MCPH1: variants seen among roughly 807,000 people sequenced by gnomAD.
The protein encoded by MCPH1 is microcephalin 1.
A neutral mutation model predicts 84.5 loss-of-function variants in MCPH1; 104 were observed. That is an observed-to-expected ratio of 1.23 (90% confidence interval 1.05 to 1.45). The LOEUF is 1.45. Among genes scored for constraint, MCPH1 ranks in the 40% most tolerant of loss-of-function variants. MCPH1 has a pLI of 0.00. For missense variants in MCPH1, 1,498 were observed against 1,005.7 expected, an observed-to-expected ratio of 1.49 and a Z score of -6.62; for synonymous variants, 514 against 366.8, an observed-to-expected ratio of 1.40 and a Z score of -4.58.
intron 3 of MCPH1, among the ~76,000 whole-genome samples, chr8:6,419,920 A>G (rs959556538): frequency 6.6e-6 from 1 of 151,950 alleles, no homozygotes; most frequent in East Asian, 1.9e-4. Flanking sequence ...TTGTTTTTTT[A>G]AAATAGATTT....
At chr8:6,411,457 T>C (rs972684299) in intron 2 of MCPH1, among the ~76,000 whole-genome samples, 1 of 152,218 alleles carries the variant, frequency 6.6e-6, no homozygotes, top group African/African-American at 2.4e-5. Context: ...GTGATGATGC[T>C]GGCAATTCAG....
At chr8:6,620,355 T>G (rs766927930) in intron 12 of MCPH1, 1 of 152,248 alleles carries the variant, frequency 6.6e-6, no homozygotes, top group African/African-American at 2.4e-5. Context: ...ATTACAGTAG[T>G]AGGAAAACCT....
chr8:6,412,514 T>G (rs975134852), intron 2 of MCPH1, among the ~76,000 whole-genome samples: 17 of 152,308 alleles, frequency 1.1e-4, no homozygotes, highest in African/African-American at 4.1e-4. Flanking sequence ...ATTTCAGGAT[T>G]TGAGATGATT....
chr8:6,619,391 A>G (rs1325287189), intron 12 of MCPH1, among the ~76,000 whole-genome samples: 3 of 149,830 alleles, frequency 2.0e-5, no homozygotes, highest in Non-Finnish European at 4.4e-5. Flanking sequence ...CCCAGATTCA[A>G]GCGATTCTCC....
chr8:6,545,485 A>C (rs2515488), intron 12 of MCPH1, among the ~76,000 whole-genome samples: 75,240 of 152,116 alleles, frequency 0.49, 18,809 homozygotes, highest in African/African-American at 0.57. Context: ...GCACCTAAAT[A>C]ATGCCTAATG....
At chr8:6,625,566 C>CA (rs567328893) in intron 13 of MCPH1, 157 of 973,124 alleles carry the variant, frequency 1.6e-4, no homozygotes, top group Admixed American at 1.1e-3. Flanking sequence ...AGACAATACT[C>CA]AAAAAAAAAT....
chr8:6,444,309 A>C, intron 7 of MCPH1, 84 bp from the exon 8 acceptor site: 2 of 1,511,708 alleles, frequency 1.3e-6, no homozygotes, highest in Non-Finnish European at 1.8e-6. Flanking sequence ...GTACTTTAAA[A>C]GTTGTTTTAT....
chr8:6,568,719 G>C (rs190942730), intron 12 of MCPH1, among the ~76,000 whole-genome samples: 1 of 152,190 alleles, frequency 6.6e-6, no homozygotes, highest in Non-Finnish European at 1.5e-5. Flanking sequence ...TGCTGACATC[G>C]TTTTCCATCA....
At chr8:6,526,189 G>A (rs574172169) in intron 12 of MCPH1, among the ~76,000 whole-genome samples, 70 of 150,954 alleles carry the variant, frequency 4.6e-4, no homozygotes, top group African/African-American at 1.3e-3. Context: ...GGATGCTGCG[G>A]TGGGCAGAAG....
At chr8:6,512,606 G>A (rs1815381246) in intron 12 of MCPH1, among the ~76,000 whole-genome samples, 3 of 152,172 alleles carry the variant, frequency 2.0e-5, no homozygotes, top group Admixed American at 2.0e-4. Context: ...CCCTCCCGTT[G>A]CACACACATT....
chr8:6,532,582 A>G (rs1468255217), intron 12 of MCPH1: 2 of 887,786 alleles, frequency 2.3e-6, no homozygotes, highest in Non-Finnish European at 1.6e-6. Flanking sequence ...TTTAAAAAAA[A>G]AAAAAAAAAA....
chr8:6,419,179 ACACACACACGC>A (rs763159532), intron 3 of MCPH1, among the ~76,000 whole-genome samples: 762 of 31,174 alleles, frequency 0.024, 4 homozygotes, highest in Non-Finnish European at 0.11. Context: ...ACACACACAC[ACACACACACGC>A]ATTTTTACCC....
chr8:6,474,970 T>TA (rs1808244360), intron 9 of MCPH1, among the ~76,000 whole-genome samples: 1 of 152,228 alleles, frequency 6.6e-6, no homozygotes, highest in Non-Finnish European at 1.5e-5. Flanking sequence ...TTAAAACATT[T>TA]ACGTTTCTAT....
chr8:6,568,372 A>T (rs1826385716), intron 12 of MCPH1, among the ~76,000 whole-genome samples: 1 of 152,204 alleles, frequency 6.6e-6, no homozygotes, highest in Non-Finnish European at 1.5e-5. Flanking sequence ...CAATCCGTGC[A>T]GCTCTCATAA....
chr8:6,635,579 C>T (rs748636789), intron 13 of MCPH1, among the ~76,000 whole-genome samples: 13 of 151,840 alleles, frequency 8.6e-5, no homozygotes, highest in Admixed American at 3.3e-4. Context: ...TGGGAAACAG[C>T]GAGGCCCTGT....
chr8:6,434,457 G>C (rs2129554373), intron 4 of MCPH1, among the ~76,000 whole-genome samples: 1 of 152,320 alleles, frequency 6.6e-6, no homozygotes, highest in African/African-American at 2.4e-5. Flanking sequence ...TTTGTGTCAT[G>C]CAGGTACTTT....
intron 12 of MCPH1, among the ~76,000 whole-genome samples, chr8:6,589,635 G>A (rs1453258105): frequency 1.3e-5 from 2 of 152,166 alleles, no homozygotes; most frequent in Non-Finnish European, 2.9e-5. Context: ...CTTCCATCTC[G>A]ATAGAATGTC....
rs11280683 is a variant in MCPH1, at chr8:6,609,819, G to GCCCCCCCCCCCCC, written c.2215-11625_2215-11624insCCCCCCCCCCCCC. ...TCTCATTATCAAAGCAATGCCCCCC[G>GCCCCCCCCCCCCC]CCCCCCCCCCACACACAGACTGCCA... On this transcript the variant is annotated intron_variant, in intron 12 of 13. Coordinates refer to ENST00000344683, the MANE Select transcript of MCPH1 (RefSeq NM_024596.5). 7.6e-4 allele frequency among the ~76,000 whole-genome samples: 79 copies of GCCCCCCCCCCCCC among 103,958 alleles called. 11 individuals are homozygous for GCCCCCCCCCCCCC. The highest frequency in any genetic ancestry group is 1.8e-3 in the South Asian group (4 of 2,234). The allele number at this position is 103,958 out of a possible 152,430, so 68.2% of individuals were successfully genotyped here.
chr8:6,485,347 C>T (rs911557722), intron 11 of MCPH1, among the ~76,000 whole-genome samples: 1 of 151,774 alleles, frequency 6.6e-6, no homozygotes, highest in African/African-American at 2.4e-5. Context: ...GTATATCTTA[C>T]ATATCTAACG....
Sources: gnomAD v4.1 joint callset for allele counts (sites outside exome capture counted in the v4.1 genomes callset) on GRCh38, gnomAD v4.1.1 for gene constraint, MANE v1.5 for transcripts, NCBI Gene and HGNC (gene_info 2026-07-23, HGNC 2026-07-21) for gene names.